Variants in RBFOX1 observed in about 807,000 individuals in gnomAD.
RBFOX1 encodes the protein RNA binding protein fox-1 homolog 1.
Under a neutral mutation model 57.7 loss-of-function variants are expected in RBFOX1, and 8 were observed. That is an observed-to-expected ratio of 0.14 (90% CI 0.08 to 0.25). The LOEUF (loss-of-function observed/expected upper bound fraction) is 0.25. Among genes scored for constraint, RBFOX1 ranks in the 10% least tolerant of loss-of-function variants. The pLI, the probability that RBFOX1 is intolerant of heterozygous loss-of-function variation, is 1.00. For synonymous variants in RBFOX1, 326 were observed against 222.4 expected (o/e 1.47, Z -4.15); for missense variants, 611 against 548.5 (o/e 1.11, Z -1.14).
chr16:6,453,988 T>C (rs1192646775), intron 2 of RBFOX1, among the ~76,000 whole-genome samples: 1 of 152,218 alleles, frequency 6.6e-6, no homozygotes, highest in South Asian at 2.1e-4. Flanking sequence ...ATGGTTGGTT[T>C]GTTCTGAGGC....
At chr16:5,344,072 A>T (rs1299645630) in intron 1 of RBFOX1, among the ~76,000 whole-genome samples, 1 of 152,130 alleles carries the variant, frequency 6.6e-6, no homozygotes, top group African/African-American at 2.4e-5. Context: ...TCAGAATCCT[A>T]TTCTCGTTTT....
intron 2 of RBFOX1, among the ~76,000 whole-genome samples, chr16:6,610,429 G>C (rs892176524): frequency 1.3e-5 from 2 of 152,066 alleles, no homozygotes; most frequent in African/African-American, 4.8e-5. Flanking sequence ...GCCGGCTCAA[G>C]TGATCCTCCC....
intron 2 of RBFOX1, among the ~76,000 whole-genome samples, chr16:6,607,979 C>T (rs530505786): frequency 6.6e-6 from 1 of 152,284 alleles, no homozygotes. Context: ...TTAACTCTGA[C>T]CCTTTACTGG....
intron 3 of RBFOX1, among the ~76,000 whole-genome samples, chr16:6,868,011 A>T (rs143866674): frequency 6.6e-6 from 1 of 152,220 alleles, no homozygotes; most frequent in Non-Finnish European, 1.5e-5. Context: ...AGCTGAAACT[A>T]CTATACTTCA....
intron 4 of RBFOX1, among the ~76,000 whole-genome samples, chr16:7,315,609 GATAGTCTTTT>G (rs2096419623): frequency 6.6e-6 from 1 of 151,348 alleles, no homozygotes; most frequent in Non-Finnish European, 1.5e-5. Context: ...CATTGTGGAA[GATAGTCTTTT>G]ATAGCCTTCC....
intron 3 of RBFOX1, among the ~76,000 whole-genome samples, chr16:5,709,375 C>G (rs1354493893): frequency 6.6e-6 from 1 of 152,062 alleles, no homozygotes; most frequent in Non-Finnish European, 1.5e-5. Flanking sequence ...CTGAATATGA[C>G]CTAATTGAAA....
intron 4 of RBFOX1, among the ~76,000 whole-genome samples, chr16:7,182,951 C>G (rs1005180259): frequency 6.6e-6 from 1 of 152,202 alleles, no homozygotes; most frequent in Non-Finnish European, 1.5e-5. Context: ...GCTTGTTTAT[C>G]ATATGCACCT....
intron 10 of RBFOX1, among the ~76,000 whole-genome samples, chr16:7,619,225 A>C (rs2058929873): frequency 6.6e-6 from 1 of 152,188 alleles, no homozygotes; most frequent in Non-Finnish European, 1.5e-5. Flanking sequence ...TGGAGAAAAA[A>C]AAAACTATTT....
chr16:6,070,711 C>G (rs1298106748), intron 1 of RBFOX1, among the ~76,000 whole-genome samples: 1 of 151,946 alleles, frequency 6.6e-6, no homozygotes, highest in Non-Finnish European at 1.5e-5. Context: ...CTGTATAACA[C>G]AATTTTGACC....
intron 4 of RBFOX1, among the ~76,000 whole-genome samples, chr16:7,470,900 T>C (rs894506785): frequency 6.7e-6 from 1 of 150,312 alleles, no homozygotes; most frequent in Non-Finnish European, 1.5e-5. Context: ...GGGAGTATAA[T>C]TTGCTTTACT....
chr16:6,973,162 A>G (rs2085968696), intron 3 of RBFOX1, among the ~76,000 whole-genome samples: 1 of 151,376 alleles, frequency 6.6e-6, no homozygotes, highest in Admixed American at 6.6e-5. Flanking sequence ...AAATAGAGAC[A>G]AGGCCATCAG....
intron 4 of RBFOX1, among the ~76,000 whole-genome samples, chr16:7,186,154 A>G (rs988986527): frequency 2.0e-5 from 3 of 151,562 alleles, no homozygotes; most frequent in Non-Finnish European, 4.4e-5. Context: ...ATATCATGAT[A>G]CTTATCTCTA....
chr16:7,572,204 C>G (rs902070613), intron 5 of RBFOX1, among the ~76,000 whole-genome samples: 30 of 152,140 alleles, frequency 2.0e-4, no homozygotes, highest in African/African-American at 3.9e-4. Flanking sequence ...AGGGACTTAA[C>G]CATTCACAAA....
At chr16:6,405,694 A>T (rs1481599524) in intron 2 of RBFOX1, among the ~76,000 whole-genome samples, 1 of 152,210 alleles carries the variant, frequency 6.6e-6, no homozygotes, top group Non-Finnish European at 1.5e-5. Flanking sequence ...TCCAAGAGGT[A>T]GACCCTATAC....
Position 6,788,453 on chromosome 16 carries a change from T to TA in RBFOX1, c.-16+133803_-16+133804insA, listed in dbSNP as rs567239721. 1.6e-4 allele frequency among the ~76,000 whole-genome samples: 25 copies of TA among 151,754 alleles called. No homozygotes were observed. In the East Asian group the frequency reaches 4.8e-3, roughly 29 times the overall value. ...ACACAGGTGCTGCACTGATTTTTTT[T>TA]TTATTATTATTTATTTATTTTTTAT... On this transcript the variant is annotated intron_variant, in intron 3 of 15. Coordinates refer to ENST00000550418, the MANE Select transcript of RBFOX1 (RefSeq NM_018723.4).
At chr16:6,438,014 C>T (rs765319418) in intron 2 of RBFOX1, among the ~76,000 whole-genome samples, 1 of 152,104 alleles carries the variant, frequency 6.6e-6, no homozygotes, top group African/African-American at 2.4e-5. Context: ...ACTCTTGTGC[C>T]AGGAAAGAGT....
intron 3 of RBFOX1, among the ~76,000 whole-genome samples, chr16:6,673,903 A>T (rs1384427877): frequency 2.0e-5 from 3 of 152,196 alleles, no homozygotes; most frequent in Admixed American, 6.5e-5. Context: ...GAAGTGCCAT[A>T]TTGGGAGGAT....
At position 6,843,153 on chromosome 16, in the gene RBFOX1, A is replaced by C. The variant is rs114797796; in HGVS notation, c.-16+188503A>C. Among the ~76,000 whole-genome samples the C allele has an allele frequency of 8.8e-3, 1,343 of 152,280 alleles. 26 individuals carry two copies. Among genetic ancestry groups the C allele is most frequent in the African/African-American group, 0.03 (1,235 of 41,564 alleles). On this transcript the variant is annotated intron_variant, in intron 3 of 15. Transcript: ENST00000550418. ...TTTCAAAACATAACACATTTTAAGC[A>C]TATGATTCTCTGAGCAAAGTTTTCT...
intron 3 of RBFOX1, among the ~76,000 whole-genome samples, chr16:6,822,502 T>G (rs1008577011): frequency 2.6e-5 from 4 of 152,216 alleles, no homozygotes; most frequent in Non-Finnish European, 4.4e-5. Flanking sequence ...AATCTGAGTT[T>G]CACAACAGGA....
Sources: allele counts gnomAD v4.1 joint callset (sites outside exome capture counted in the v4.1 genomes callset), GRCh38; gene constraint gnomAD v4.1.1; transcripts MANE v1.5; gene names NCBI Gene and HGNC (gene_info 2026-07-23, HGNC 2026-07-21).